Variants in CCNO observed in about 807,000 individuals in gnomAD.
CCNO encodes the protein cyclin O.
CCNO carries 24 observed loss-of-function variants against 23.9 expected under a neutral mutation model. The ratio of observed to expected loss-of-function variants is 1.00; its 90% CI spans 0.73 to 1.41. CCNO has a LOEUF of 1.41. Ranked by LOEUF, CCNO falls within the 40% of genes most tolerant of loss-of-function variation. The pLI, the probability that CCNO is intolerant of heterozygous loss-of-function variation, is 0.00. For missense variants in CCNO, 542 were observed against 476.2 expected, an observed-to-expected ratio of 1.14 and a Z score of -1.29; for synonymous variants, 241 against 225.7, an observed-to-expected ratio of 1.07 and a Z score of -0.61.
chr5:55,232,899 T>C (rs1745634683), intron 1 of CCNO: 4 of 594,296 alleles, frequency 6.7e-6, no homozygotes, highest in Non-Finnish European at 1.2e-5. Flanking sequence ...AACGAATTCC[T>C]CTCTACCGTG....
chr5:55,231,933 G>A, intron 2 of CCNO, 73 bp from the exon 3 acceptor site: 1 of 1,448,708 alleles, frequency 6.9e-7, no homozygotes, highest in Non-Finnish European at 9.1e-7. Flanking sequence ...ATGACGCCCG[G>A]ACTTTCCCCA....
chr5:55,233,259 G>A lies in CCNO; in HGVS notation c.265C>T (p.Pro89Ser), dbSNP rs764171316. The A allele has an allele frequency of 2.5e-6, 4 of 1,588,172 alleles. No homozygotes were observed. The highest frequency in any genetic ancestry group is 2.7e-5 in the African/African-American group (2 of 74,836). ...GTCTGTAGATCTAGCTGCGCCACGG[G>A]CTGGGCCGGGCCGGGCAGGGGGCTA... Reference protein sequence around the residue: ...GGSPLPGPAQPVAQLDLQTFR... With the variant: ...GGSPLPGPAQSVAQLDLQTFR... Residue 89 changes from proline to serine, a missense_variant, in exon 1 of 3, where the codon CCC becomes TCC. Transcript: ENST00000282572.
Position 55,232,553 on chromosome 5 carries a change from G to A in CCNO, c.382-7C>T, listed in dbSNP as rs553049896. 5.6e-6 allele frequency: 9 copies of A among 1,613,122 alleles called. No individual in the cohort carries two copies. Among genetic ancestry groups the A allele is most frequent in the South Asian group, 1.1e-5 (1 of 91,074 alleles). On this transcript the variant is annotated splice_polypyrimidine_tract_variant and splice_region_variant and intron_variant, in intron 1 of 2. Transcript: ENST00000282572. ...AGCGGGATTCCGCCGTCACCTGCCG[G>A]GAAGGAGGGGGGAGGCGGGCCCGCT...
Position 55,233,221 on chromosome 5 carries a change from G to C in CCNO, c.303C>G (p.Tyr101Ter), listed in dbSNP as rs1456141661. The change falls in exon 1 of 3, where the codon TAC (tyrosine) becomes TAG (stop). Residue 101 changes from tyrosine to a stop codon, truncating the protein, a stop_gained. Coordinates refer to ENST00000282572, the MANE Select transcript of CCNO (RefSeq NM_021147.5). LOFTEE classifies it high-confidence loss of function. ...TGCGGAAGGCGTAGCAGCTCTGGCC[G>C]TAGTCGCGGAAGGTCTGTAGATCTA... ...AQLDLQTFRDYGQSCYAFRKA... is the reference protein window; with the variant it reads ...AQLDLQTFRD 3 of 1,574,464 alleles carry C rather than the reference G, an allele frequency of 1.9e-6. No individual in the cohort carries two copies. Among genetic ancestry groups the C allele is most frequent in the Non-Finnish European group, 2.6e-6 (3 of 1,162,346 alleles).
chr5:55,231,565 AG>A lies in CCNO; in HGVS notation c.862del (p.Leu288TrpfsTer39), dbSNP rs1264519794. ...CCGCAGCATGCGGTCCGCCAGCGCCAGGCAGCAGATCGCCAGGAGGGAAGGG... is the reference window on the plus strand; with the variant it reads ...CCGCAGCATGCGGTCCGCCAGCGCCAGCAGCAGATCGCCAGGAGGGAAGGG... ...YSPSLLAICC[L>X]ALADRMLRVS... is the part of the protein sequence containing the mutation. On this transcript the variant is annotated frameshift_variant, in exon 3 of 3. Transcript: ENST00000282572. LOFTEE classifies it high-confidence loss of function. 1 of 1,613,498 alleles carries A rather than the reference AG, an allele frequency of 6.2e-7. No individual in the cohort carries two copies. Among genetic ancestry groups the A allele is most frequent in the Non-Finnish European group, 8.5e-7 (1 of 1,179,978 alleles).
chr5:55,232,722 C>T (rs1745628793), intron 1 of CCNO, 176 bp from the exon 2 acceptor site: 2 of 645,964 alleles, frequency 3.1e-6, no homozygotes, highest in Non-Finnish European at 5.4e-6. Flanking sequence ...GCCGGAACAC[C>T]GGGATTGGGA....
At position 55,233,325 on chromosome 5, in the gene CCNO, C is replaced by T. The variant is rs1018413022; in HGVS notation, c.199G>A (p.Gly67Ser). 9 of 1,603,260 alleles carry T rather than the reference C, an allele frequency of 5.6e-6. No homozygotes were observed. Among genetic ancestry groups the T allele is most frequent in the African/African-American group, 1.3e-5 (1 of 74,770 alleles). ...ICDLFESPSSGSDGAESPSAA... is the reference protein window; with the variant it reads ...ICDLFESPSSSSDGAESPSAA... ...GAGGGGCTCTCTGCGCCGTCTGAGCCGGAGCTGGGGGACTCGAACAGGTCG... is the reference window on the plus strand; with the variant it reads ...GAGGGGCTCTCTGCGCCGTCTGAGCTGGAGCTGGGGGACTCGAACAGGTCG... Residue 67 changes from glycine (G) to serine (S), a missense_variant, in exon 1 of 3, where the codon GGC becomes AGC. By Grantham distance (56) the Gly-to-Ser change is moderately conservative. Coordinates refer to ENST00000282572, the MANE Select transcript of CCNO (RefSeq NM_021147.5).
intron 2 of CCNO, 67 bp from the exon 3 acceptor site, chr5:55,231,927 C>A: frequency 6.9e-7 from 1 of 1,456,152 alleles, no homozygotes; most frequent in Non-Finnish European, 9.0e-7. Flanking sequence ...CCCAGTATGA[C>A]GCCCGGACTT....
Position 55,233,278 on chromosome 5 carries a change from G to C in CCNO, c.246C>G (p.Pro82=). ...CCACGGGCTGGGCCGGGCCGGGCAGGGGGCTACCACCCCGCGCCGCAGAGG... is the reference window on the plus strand; with the variant it reads ...CCACGGGCTGGGCCGGGCCGGGCAGCGGGCTACCACCCCGCGCCGCAGAGG... ...ESPSAARGGS[P]LPGPAQPVAQ... The change falls in exon 1 of 3, where the codon CCC becomes CCG. Residue 82 remains proline (P), a synonymous_variant. Transcript: ENST00000282572. The C allele has an allele frequency of 6.3e-7, 1 of 1,591,734 alleles. No homozygotes were observed. The highest frequency in any genetic ancestry group is 8.5e-7 in the Non-Finnish European group (1 of 1,171,328).
At position 55,231,471 on chromosome 5, in the gene CCNO, C is replaced by T. The variant is rs7712656; in HGVS notation, c.957G>A (p.Lys319=). Reference sequence around the variant, plus strand: ...TGTTTATGGCCACCAGCAGCTGCAACTTGCCCATACAGTCCTCCAGCGCCG... The same window carrying T: ...TGTTTATGGCCACCAGCAGCTGCAATTTGCCCATACAGTCCTCCAGCGCCG... The part of the protein sequence containing the change: ...PEAALEDCMG[K]LQLLVAINST... Residue 319 remains lysine (K), a synonymous_variant, in exon 3 of 3, where the codon AAG becomes AAA. Coordinates refer to ENST00000282572, the MANE Select transcript of CCNO (RefSeq NM_021147.5). 726 of 1,614,148 alleles carry T rather than the reference C, an allele frequency of 4.5e-4. 2 individuals are homozygous for T. The African/African-American group carries it at 9.1e-3, about 20-fold the overall frequency.
rs1194626884 is a variant in CCNO, at chr5:55,231,508, T to C, written c.920A>G (p.Asp307Gly). Reference protein sequence around the residue: ...VSRPVDLRLGDHPEAALEDCM... With the variant: ...VSRPVDLRLGGHPEAALEDCM... ...GTCCTCCAGCGCCGCCTCCGGGTGG[T>C]CTCCCAGTCGCAAGTCCACGGGCCG... Residue 307 changes from aspartate (D) to glycine (G), a missense_variant, in exon 3 of 3, where the codon GAC becomes GGC. By Grantham distance (94) the Asp-to-Gly change is moderately conservative (BLOSUM62 -1). Transcript: ENST00000282572. 6.2e-7 allele frequency: 1 copy of C among 1,613,656 alleles called. No homozygotes were observed. The highest frequency in any genetic ancestry group is 2.2e-5 in the East Asian group (1 of 44,864).
chr5:55,233,370 G>T lies in CCNO; in HGVS notation c.154C>A (p.Pro52Thr). The change falls in exon 1 of 3, where the codon CCG (proline) becomes ACG (threonine). Residue 52 changes from proline (P) to threonine (T), a missense_variant. Physicochemically the swap from Pro to Thr is conservative, Grantham distance 38. Coordinates refer to ENST00000282572, the MANE Select transcript of CCNO (RefSeq NM_021147.5). ...PLHPLNPCPL[P>T]GDSGICDLFE... ...AGGTCGCAAATGCCGGAGTCTCCCG[G>T]GAGCGGGCACGGGTTCAGGGGATGC... 1 of 1,610,494 alleles carries T rather than the reference G, an allele frequency of 6.2e-7. No individual in the cohort carries two copies.
chr5:55,233,230 G>T lies in CCNO; in HGVS notation c.294C>A (p.Phe98Leu). The stretch of plus-strand genomic sequence containing the variant: ...CGTAGCAGCTCTGGCCGTAGTCGCG[G>T]AAGGTCTGTAGATCTAGCTGCGCCA... The part of the protein sequence containing the change: ...QPVAQLDLQT[F>L]RDYGQSCYAF... The change falls in exon 1 of 3, where the codon TTC becomes TTA. Residue 98 changes from phenylalanine (F) to leucine (L), a missense_variant. Physicochemically the swap from Phe to Leu is conservative, Grantham distance 22. Transcript: ENST00000282572. The T allele has an allele frequency of 6.3e-7, 1 of 1,579,794 alleles. No individual in the cohort carries two copies.
In CCNO at chr5:55,233,436, T is replaced by A. The variant is rs1365514543; in HGVS notation, c.88A>T (p.Lys30Ter). The change falls in exon 1 of 3, where the codon AAG becomes TAG. Residue 30 changes from lysine to a stop codon, truncating the protein, a stop_gained. Transcript: ENST00000282572. LOFTEE classifies it high-confidence loss of function. The part of the protein sequence containing the change: ...DNDQNLRAPV[K>*]KSRRPRLRRK... ...CGGAGGCGCGGACGCCTGCTCTTCT[T>A]CACCGGGGCGCGAAGGTTCTGGTCG... 6.2e-7 allele frequency: 1 copy of A among 1,606,118 alleles called. No individual in the cohort carries two copies. Among genetic ancestry groups the A allele is most frequent in the South Asian group, 1.1e-5 (1 of 89,908 alleles).
At position 55,232,617 on chromosome 5, in the gene CCNO, G is replaced by A. The variant is rs1745624884; in HGVS notation, c.382-71C>T. On this transcript the variant is annotated intron_variant, in intron 1 of 2. Transcript: ENST00000282572. Reference sequence around the variant, plus strand: ...AGAGGGACTGTGGAAGGGAAGGAAGGGCCAAGAAGAATCGGGGAGCTTCCC... The same window carrying A: ...AGAGGGACTGTGGAAGGGAAGGAAGAGCCAAGAAGAATCGGGGAGCTTCCC... 3.4e-6 allele frequency: 5 copies of A among 1,452,406 alleles called. No individual in the cohort carries two copies. In the East Asian group the frequency reaches 1.1e-4, roughly 33 times the overall value. 90.0% of individuals were successfully genotyped at this position (1,452,406 alleles called of 1,614,324 possible).
chr5:55,233,065 G>T, intron 1 of CCNO, 78 bp downstream of exon 1: 1 of 1,448,382 alleles, frequency 6.9e-7, no homozygotes, highest in Non-Finnish European at 9.1e-7. Context: ...CGCTCGGAGG[G>T]CCGAGCCGGC....
In CCNO at chr5:55,231,355, A is replaced by C. The variant is rs759120234; in HGVS notation, c.*20T>G. On this transcript the variant is annotated 3_prime_UTR_variant, in exon 3 of 3. Coordinates refer to ENST00000282572, the MANE Select transcript of CCNO (RefSeq NM_021147.5). Reference sequence around the variant, plus strand: ...GTCCAGCAGCCGGGCCAGGGACTAAAAGGAAACGAAGGATCTGTTTTATTT... The same window carrying C: ...GTCCAGCAGCCGGGCCAGGGACTAACAGGAAACGAAGGATCTGTTTTATTT... The C allele has an allele frequency of 8.1e-6, 13 of 1,611,438 alleles. 1 individual carries two copies. In the South Asian group the frequency reaches 1.3e-4, roughly 16 times the overall value.
Position 55,232,397 on chromosome 5 carries a change from C to T in CCNO, c.531G>A (p.Leu177=), listed in dbSNP as rs772590141. 1.9e-6 allele frequency: 3 copies of T among 1,613,972 alleles called. No individual in the cohort carries two copies. Among genetic ancestry groups the T allele is most frequent in the African/African-American group, 1.3e-5 (1 of 75,044 alleles). The change falls in exon 2 of 3, where the codon CTG becomes CTA. Residue 177 remains leucine (L), a synonymous_variant. Coordinates refer to ENST00000282572, the MANE Select transcript of CCNO (RefSeq NM_021147.5). The part of the protein sequence containing the change: ...TTPVAADCFQ[L]LGVTSLLIAC... Reference sequence around the variant, plus strand: ...CGATGAGCAAGGAGGTGACCCCAAGCAGCTGGAAGCAGTCTGCAGCCACCG... The same window carrying T: ...CGATGAGCAAGGAGGTGACCCCAAGTAGCTGGAAGCAGTCTGCAGCCACCG...
In CCNO at chr5:55,231,656, C is replaced by A. The variant is rs541103291; in HGVS notation, c.772G>T (p.Ala258Ser). 6.4e-7 allele frequency: 1 copy of A among 1,573,870 alleles called. No individual in the cohort carries two copies. Among genetic ancestry groups the A allele is most frequent in the African/African-American group, 1.3e-5 (1 of 74,148 alleles). ...GCCACCCCCCGCGCCAGGGCTTGCG[C>A]TTCCAGAGCTTCGGAGGCCTCAGCC... ...GQAEASEALE[A>S]QALARGVAEL... Residue 258 changes from alanine (A) to serine (S), a missense_variant, in exon 3 of 3, where the codon GCG becomes TCG. Transcript: ENST00000282572.
Sources: gnomAD v4.1 joint callset for allele counts on GRCh38, gnomAD v4.1.1 for gene constraint, MANE v1.5 for transcripts, NCBI Gene and HGNC (gene_info 2026-07-23, HGNC 2026-07-21) for gene names.